The following BICD1 variants were observed in gnomAD, a reference collection of about 807,000 sequenced individuals.
BICD1 encodes protein bicaudal D homolog 1.
Under a neutral mutation model 92.5 loss-of-function variants are expected in BICD1, and 35 were observed. That is an observed-to-expected ratio of 0.38 (90% confidence interval 0.29 to 0.50). The LOEUF (loss-of-function observed/expected upper bound fraction) is 0.50, where lower values mean the gene tolerates loss of function less well. Ranked by LOEUF, BICD1 falls within the 20% of genes least tolerant of loss-of-function variation. The pLI, the probability that BICD1 is intolerant of heterozygous loss-of-function variation, is 0.93. For synonymous variants in BICD1, 429 were observed against 465.1 expected (o/e 0.92, Z 1.00); for missense variants, 950 against 1,189.8 (o/e 0.80, Z 2.97).
At chr12:32,243,051 G>A (rs326635) in intron 2 of BICD1, among the ~76,000 whole-genome samples, 62,130 of 151,562 alleles carry the variant, frequency 0.41, 13,941 homozygotes, top group South Asian at 0.51. Flanking sequence ...GTTAGCTATT[G>A]TATTATTATT....
intron 2 of BICD1, among the ~76,000 whole-genome samples, chr12:32,237,869 G>A (rs886809085): frequency 3.9e-5 from 6 of 152,132 alleles, no homozygotes; most frequent in Admixed American, 6.5e-5. Context: ...AACATCCACT[G>A]GGCAGCCAAT....
intron 1 of BICD1, among the ~76,000 whole-genome samples, chr12:32,172,109 G>C (rs759625259): frequency 2.0e-4 from 31 of 152,030 alleles, no homozygotes; most frequent in Non-Finnish European, 1.5e-4. Context: ...TCAGGACTGG[G>C]CACGAATGCA....
At chr12:32,223,921 A>G (rs1945610278) in intron 2 of BICD1, among the ~76,000 whole-genome samples, 1 of 152,198 alleles carries the variant, frequency 6.6e-6, no homozygotes, top group Non-Finnish European at 1.5e-5. Flanking sequence ...ACACATGTTT[A>G]TGGGTTAAGT....
At chr12:32,228,642 G>A (rs1307468424) in intron 2 of BICD1, among the ~76,000 whole-genome samples, 2 of 152,154 alleles carry the variant, frequency 1.3e-5, no homozygotes, top group Admixed American at 6.5e-5. Context: ...GTGGTGAAAA[G>A]TAGTCATATT....
At chr12:32,314,017 C>A (rs1458921783) in intron 4 of BICD1, among the ~76,000 whole-genome samples, 2 of 152,104 alleles carry the variant, frequency 1.3e-5, no homozygotes, top group African/African-American at 4.8e-5. Flanking sequence ...TGGAATCATA[C>A]AATGTGTGGT....
At chr12:32,277,904 C>A (rs1427175760) in intron 2 of BICD1, among the ~76,000 whole-genome samples, 2 of 152,102 alleles carry the variant, frequency 1.3e-5, no homozygotes, top group African/African-American at 4.8e-5. Context: ...TAATGCAAAC[C>A]ATTATCTCCA....
chr12:32,321,291 A>G (rs549876955), intron 4 of BICD1, among the ~76,000 whole-genome samples: 2 of 152,292 alleles, frequency 1.3e-5, no homozygotes, highest in South Asian at 4.1e-4. Flanking sequence ...ACACCACTGC[A>G]CTCCAGCCTG....
At chr12:32,286,394 C>A (rs1592612674) in intron 2 of BICD1, among the ~76,000 whole-genome samples, 1 of 151,846 alleles carries the variant, frequency 6.6e-6, no homozygotes, top group East Asian at 1.9e-4. Flanking sequence ...ATATATATAT[C>A]ATTCACTCAG....
intron 1 of BICD1, among the ~76,000 whole-genome samples, chr12:32,206,321 C>T (rs1945053900): frequency 1.3e-5 from 2 of 152,100 alleles, no homozygotes; most frequent in Admixed American, 6.6e-5. Flanking sequence ...TAAAACTCTC[C>T]CAGGCCGGGA....
At chr12:32,224,957 G>C (rs1224904263) in intron 2 of BICD1, among the ~76,000 whole-genome samples, 1 of 152,086 alleles carries the variant, frequency 6.6e-6, no homozygotes, top group Non-Finnish European at 1.5e-5. Context: ...TCACTAAAGT[G>C]TTGGGGTTAC....
rs554057497 is a variant in BICD1, at chr12:32,378,390, T to C, written c.*763T>C. The C allele has an allele frequency of 6.6e-6, 1 of 152,382 alleles. No homozygotes were observed. The highest frequency in any genetic ancestry group is 6.5e-5 in the Admixed American group (1 of 15,302). The allele number at this position is 152,382 out of a possible 1,614,324, so 9.4% of individuals were successfully genotyped here. ...TAAATCTAAGAAAGAGACTAAGTTATGATTTATTGACTTATTCAAGTTTTG... is the reference window on the plus strand; with the variant it reads ...TAAATCTAAGAAAGAGACTAAGTTACGATTTATTGACTTATTCAAGTTTTG... On this transcript the variant is annotated 3_prime_UTR_variant, in exon 10 of 10. Transcript: ENST00000652176.
At chr12:32,149,542 A>G (rs754731613) in intron 1 of BICD1, among the ~76,000 whole-genome samples, 1 of 152,242 alleles carries the variant, frequency 6.6e-6, no homozygotes, top group African/African-American at 2.4e-5. Context: ...AATGTAGAAC[A>G]ATAAAGTTAC....
At chr12:32,297,805 A>ATTTATTCATTTG (rs11274729) in intron 3 of BICD1, among the ~76,000 whole-genome samples, 75,002 of 151,782 alleles carry the variant, frequency 0.49, 18,874 homozygotes, top group Non-Finnish European at 0.54. Context: ...TAAAGAGTCT[A>ATTTATTCATTTG]TTTACATTCC....
intron 1 of BICD1, among the ~76,000 whole-genome samples, chr12:32,137,368 C>T (rs1015368498): frequency 6.6e-5 from 10 of 152,282 alleles, no homozygotes; most frequent in African/African-American, 2.2e-4. Flanking sequence ...GGATTACAGG[C>T]ATGAGCCACC....
chr12:32,182,328 G>A (rs1312043914), intron 1 of BICD1, among the ~76,000 whole-genome samples: 1 of 131,442 alleles, frequency 7.6e-6, no homozygotes, highest in Non-Finnish European at 1.6e-5. Context: ...TGTTGCCCAG[G>A]CTGGAGTACA....
chr12:32,107,173 GC>G lies in BICD1; in HGVS notation c.-157del. 1 of 689,596 alleles carries G rather than the reference GC, an allele frequency of 1.5e-6. No individual in the cohort carries two copies. Among genetic ancestry groups the G allele is most frequent in the Non-Finnish European group, 2.4e-6 (1 of 411,658 alleles). The allele number at this position is 689,596 out of a possible 1,614,324, so 42.7% of individuals were successfully genotyped here. ...TTTCTCGGGCGGTGTAGCTGCCGCT[GC>G]CACCAGAGCCGGCGGGGCATCGCGC... On this transcript the variant is annotated 5_prime_UTR_variant, in exon 1 of 10. Coordinates refer to ENST00000652176, the MANE Select transcript of BICD1 (RefSeq NM_001714.4).
chr12:32,119,372 A>G (rs1161439472), intron 1 of BICD1, among the ~76,000 whole-genome samples: 2 of 152,108 alleles, frequency 1.3e-5, no homozygotes, highest in African/African-American at 4.8e-5. Flanking sequence ...TTCAATACAG[A>G]CTGTATGTTA....
At chr12:32,112,588 A>AT (rs1380828712) in intron 1 of BICD1, among the ~76,000 whole-genome samples, 3 of 152,188 alleles carry the variant, frequency 2.0e-5, no homozygotes, top group African/African-American at 7.2e-5. Context: ...CACACATAAG[A>AT]TTCCACCTGT....
At chr12:32,168,917 G>A (rs1043735416) in intron 1 of BICD1, among the ~76,000 whole-genome samples, 3 of 151,970 alleles carry the variant, frequency 2.0e-5, no homozygotes, top group Non-Finnish European at 4.4e-5. Context: ...AGCCGAGATC[G>A]CGCGATTGCA....
Sources: allele counts gnomAD v4.1 joint callset (sites outside exome capture counted in the v4.1 genomes callset), GRCh38; gene constraint gnomAD v4.1.1; transcripts MANE v1.5; gene names NCBI Gene and HGNC (gene_info 2026-07-23, HGNC 2026-07-21).